Variants in RAB12 observed in about 807,000 individuals in gnomAD.
RAB12 encodes the protein ras-related protein Rab-12.
Under a neutral mutation model 28.4 loss-of-function variants are expected in RAB12, and 11 were observed. The observed-to-expected ratio is 0.39, with a 90% CI of 0.24 to 0.64. RAB12 has a LOEUF of 0.64. Among genes scored for constraint, RAB12 ranks in the 30% least tolerant of loss-of-function variants. RAB12 has a pLI of 0.50. For missense variants in RAB12, 276 were observed against 351.1 expected (o/e 0.79, Z 1.71); for synonymous variants, 138 against 145.3 (o/e 0.95, Z 0.36).
intron 1 of RAB12, among the ~76,000 whole-genome samples, chr18:8,617,964 A>G (rs1284102972): frequency 6.6e-6 from 1 of 152,220 alleles, no homozygotes; most frequent in Admixed American, 6.5e-5. Context: ...TATAGCAAAC[A>G]CCACAAAAGT....
intron 5 of RAB12, among the ~76,000 whole-genome samples, chr18:8,637,776 A>T (rs2096019750): frequency 1.3e-5 from 2 of 152,220 alleles, no homozygotes; most frequent in Admixed American, 6.5e-5. Flanking sequence ...GTTGTATGTT[A>T]TACGTATTTT....
At chr18:8,626,196 T>C (rs567135198) in intron 2 of RAB12, among the ~76,000 whole-genome samples, 7 of 152,374 alleles carry the variant, frequency 4.6e-5, no homozygotes, top group Admixed American at 4.6e-4. Context: ...CCGCAGACTT[T>C]TTGTGCATTG....
At chr18:8,615,406 A>T (rs1050263805) in intron 1 of RAB12, among the ~76,000 whole-genome samples, 1 of 152,142 alleles carries the variant, frequency 6.6e-6, no homozygotes, top group South Asian at 2.1e-4. Flanking sequence ...ATTTTGCTAT[A>T]CTGTATTTGT....
intron 1 of RAB12, 156 bp downstream of exon 1, chr18:8,610,109 C>A (rs2096002860): frequency 3.5e-6 from 2 of 572,754 alleles, no homozygotes; most frequent in Non-Finnish European, 6.1e-6. Context: ...CGCCCTGCAT[C>A]CCAATCCCAA....
intron 2 of RAB12, among the ~76,000 whole-genome samples, chr18:8,628,603 C>T (rs2096014159): frequency 6.6e-6 from 1 of 152,116 alleles, no homozygotes; most frequent in Admixed American, 6.5e-5. Flanking sequence ...TGCGTTAGGA[C>T]GATTGCCTCA....
At chr18:8,628,753 A>T (rs2096014268) in intron 2 of RAB12, among the ~76,000 whole-genome samples, 1 of 152,238 alleles carries the variant, frequency 6.6e-6, no homozygotes, top group South Asian at 2.1e-4. Context: ...ATTTTAAGCT[A>T]CATCAAAATT....
At chr18:8,623,383 ATAG>A (rs1285373026) in intron 1 of RAB12, among the ~76,000 whole-genome samples, 3 of 152,256 alleles carry the variant, frequency 2.0e-5, no homozygotes, top group Non-Finnish European at 4.4e-5. Context: ...CAACAATAGA[ATAG>A]TAGTCATCAC....
chr18:8,609,954 G>T lies in RAB12; in HGVS notation c.514+1G>T. Reference sequence around the variant, plus strand: ...TGCGAGGCCTGCAAGTCCACCGTGGGTAAGGGCGCCACGGCGACCCTGGGC... The same window carrying T: ...TGCGAGGCCTGCAAGTCCACCGTGGTTAAGGGCGCCACGGCGACCCTGGGC... On this transcript the variant is annotated splice_donor_variant, in intron 1 of 5. Coordinates refer to ENST00000649141, the MANE Select transcript of RAB12 (RefSeq NM_001025300.3). LOFTEE classifies it high-confidence loss of function. 6.2e-7 allele frequency: 1 copy of T among 1,606,132 alleles called. No individual in the cohort carries two copies. The highest frequency in any genetic ancestry group is 8.5e-7 in the Non-Finnish European group (1 of 1,176,222).
Position 8,633,194 on chromosome 18 carries a change from C to T in RAB12, c.581C>T (p.Thr194Ile). 6.2e-7 allele frequency: 1 copy of T among 1,614,042 alleles called. No homozygotes were observed. Among genetic ancestry groups the T allele is most frequent in the Non-Finnish European group, 8.5e-7 (1 of 1,180,014 alleles). ...GKKIRLQIWD[T>I]AGQERFNSIT... ...CTTTGGCTGCTTTTTCTTAGGGACA[C>T]AGCAGGTCAGGAGAGATTCAACAGC... Residue 194 changes from threonine to isoleucine, a missense_variant, in exon 3 of 6, where the codon ACA (threonine) becomes ATA (isoleucine). Around this residue, in one of 4 missense-constraint regions of RAB12, gnomAD observed 76 missense variants for 117.9 expected, o/e 0.64. Coordinates refer to ENST00000649141, the MANE Select transcript of RAB12 (RefSeq NM_001025300.3).
chr18:8,635,816 A>C, intron 4 of RAB12, 194 bp downstream of exon 4: 2 of 505,432 alleles, frequency 4.0e-6, no homozygotes, highest in Non-Finnish European at 6.9e-6. Flanking sequence ...TGGAGGGAGA[A>C]AAAAACACAT....
Position 8,635,601 on chromosome 18 carries a change from C to T in RAB12, c.783C>T (p.Ile261=), listed in dbSNP as rs762751250. The change falls in exon 4 of 6, where the codon ATC becomes ATT. Residue 261 remains isoleucine (I), a synonymous_variant. Transcript: ENST00000649141. The stretch of plus-strand genomic sequence containing the variant: ...TGGACTGTGAAACGGACAGAGAAAT[C>T]ACCAGGCAGCAGGGGGAAAAGGTGA... The part of the protein sequence containing the change: ...NKLDCETDRE[I]TRQQGEKFAQ... 1.9e-6 allele frequency: 3 copies of T among 1,612,656 alleles called. No individual in the cohort carries two copies. The highest frequency in any genetic ancestry group is 2.5e-6 in the Non-Finnish European group (3 of 1,179,324).
chr18:8,623,379 T>C (rs1379963982), intron 1 of RAB12, among the ~76,000 whole-genome samples: 1 of 152,236 alleles, frequency 6.6e-6, no homozygotes, highest in African/African-American at 2.4e-5. Flanking sequence ...CCCGCAACAA[T>C]AGAATAGTAG....
chr18:8,625,199 G>GCAAGAA (rs2096012008), intron 2 of RAB12, among the ~76,000 whole-genome samples: 1 of 152,218 alleles, frequency 6.6e-6, no homozygotes, highest in Non-Finnish European at 1.5e-5. Context: ...TTGCACATGG[G>GCAAGAA]GAGCAGTTGT....
intron 2 of RAB12, among the ~76,000 whole-genome samples, chr18:8,629,983 T>C (rs187273993): frequency 1.1e-3 from 160 of 152,356 alleles, no homozygotes; most frequent in Non-Finnish European, 1.9e-3. Flanking sequence ...TCCTTCCTGA[T>C]TGGAAGCCTT....
chr18:8,620,165 CAA>C (rs10680284), intron 1 of RAB12, among the ~76,000 whole-genome samples: 1 of 75,428 alleles, frequency 1.3e-5, no homozygotes, highest in Non-Finnish European at 2.3e-5. Flanking sequence ...TTTTTTGCTT[CAA>C]AAAAAAAAAA....
chr18:8,622,822 G>A (rs1017349841), intron 1 of RAB12, among the ~76,000 whole-genome samples: 23 of 152,040 alleles, frequency 1.5e-4, no homozygotes, highest in African/African-American at 4.1e-4. Flanking sequence ...AGGGCCCCCC[G>A]CCACCCCGTA....
chr18:8,623,937 C>G (rs1051992856), intron 1 of RAB12, among the ~76,000 whole-genome samples: 1 of 152,258 alleles, frequency 6.6e-6, no homozygotes, highest in Admixed American at 6.5e-5. Context: ...AAATCGGTCA[C>G]ATGTCTTCCA....
intron 1 of RAB12, among the ~76,000 whole-genome samples, chr18:8,622,367 C>T (rs909980796): frequency 1.5e-4 from 23 of 152,214 alleles, no homozygotes; most frequent in African/African-American, 4.8e-4. Context: ...AAGCGTCGGC[C>T]GGTTTGAGAA....
rs749715183 is a variant in RAB12 at position 8,635,534 on chromosome 18, A to G, written c.716A>G (p.Tyr239Cys). 1 of 1,610,370 alleles carries G rather than the reference A, an allele frequency of 6.2e-7. No homozygotes were observed. The highest frequency in any genetic ancestry group is 8.5e-7 in the Non-Finnish European group (1 of 1,177,638). Residue 239 changes from tyrosine (Y) to cysteine (C), a missense_variant and splice_region_variant, in exon 4 of 6, where the codon TAT (tyrosine) becomes TGT (cysteine). Tyr to Cys is a radical substitution (Grantham distance 194). Transcript: ENST00000649141. The stretch of plus-strand genomic sequence containing the variant: ...GTGGCTTCTTTTAAAATTCCACAGT[A>G]TGCTTCAGAAGATGCAGAGCTTCTC... Reference protein sequence around the residue: ...LPKWMKMIDKYASEDAELLLV... With the variant: ...LPKWMKMIDKCASEDAELLLV...
Sources: gnomAD v4.1 joint callset for allele counts (sites outside exome capture counted in the v4.1 genomes callset) on GRCh38, gnomAD v4.1.1 for gene constraint, gnomAD v4.1.1 regional missense constraint, MANE v1.5 for transcripts, NCBI Gene and HGNC (gene_info 2026-07-23, HGNC 2026-07-21) for gene names.